Variants in TYR observed in about 807,000 individuals in gnomAD.
TYR encodes the protein tyrosinase.
In TYR, 58 loss-of-function variants were observed where a neutral mutation model predicts 51.5. That is an observed-to-expected ratio of 1.13 (90% CI 0.91 to 1.40). TYR has a LOEUF of 1.40. TYR is among the 40% of genes most tolerant of loss of function. The pLI is 0.00. For synonymous variants in TYR, 263 were observed against 235.2 expected, an observed-to-expected ratio of 1.12 and a Z score of -1.08; for missense variants, 732 against 647.4, an observed-to-expected ratio of 1.13 and a Z score of -1.42.
intron 1 of TYR, among the ~76,000 whole-genome samples, chr11:89,179,252 C>G (rs1460033102): frequency 6.6e-6 from 1 of 152,136 alleles, no homozygotes; most frequent in Non-Finnish European, 1.5e-5. Context: ...TGGTCAGAAT[C>G]TTCAGGAGAG....
At chr11:89,263,259 A>G (rs1944484219) in intron 3 of TYR, among the ~76,000 whole-genome samples, 1 of 151,970 alleles carries the variant, frequency 6.6e-6, no homozygotes, top group Non-Finnish European at 1.5e-5. Context: ...ATAAAATCCC[A>G]TGGTCATCTC....
At chr11:89,279,876 A>G (rs866486600) in intron 3 of TYR, among the ~76,000 whole-genome samples, 9 of 151,786 alleles carry the variant, frequency 5.9e-5, no homozygotes, top group Non-Finnish European at 1.3e-4. Flanking sequence ...GTGGGGAGTT[A>G]TATATAGTAC....
chr11:89,186,274 G>A (rs1943371271), intron 1 of TYR, among the ~76,000 whole-genome samples: 1 of 152,184 alleles, frequency 6.6e-6, no homozygotes, highest in Non-Finnish European at 1.5e-5. Flanking sequence ...ATGCTCAGAA[G>A]CAGACCCTAC....
chr11:89,212,832 C>T (rs1327222729), intron 2 of TYR, among the ~76,000 whole-genome samples: 2 of 152,180 alleles, frequency 1.3e-5, no homozygotes, highest in African/African-American at 4.8e-5. Context: ...GAACCAACCA[C>T]AAAAACCACT....
In TYR at chr11:89,290,865, T is replaced by A. The variant is rs1944846011; in HGVS notation, c.1367-4278T>A. 3.3e-5 allele frequency among the ~76,000 whole-genome samples: 5 copies of A among 152,008 alleles called. No individual in the cohort carries two copies. In the South Asian group the frequency reaches 8.3e-4, roughly 25 times the overall value. The stretch of plus-strand genomic sequence containing the variant: ...ATCTTCTGTGTATGTTCTACATATA[T>A]ATCTTCTATATGCATTATAGAGAGC... On this transcript the variant is annotated intron_variant, in intron 4 of 4. Coordinates refer to ENST00000263321, the MANE Select transcript of TYR (RefSeq NM_000372.5).
At chr11:89,185,264 G>C (rs1390591743) in intron 1 of TYR, among the ~76,000 whole-genome samples, 1 of 152,054 alleles carries the variant, frequency 6.6e-6, no homozygotes, top group Non-Finnish European at 1.5e-5. Context: ...TGTATATGGA[G>C]ATATCTCCCT....
chr11:89,278,178 A>G (rs1368876116), intron 3 of TYR, among the ~76,000 whole-genome samples: 2 of 151,712 alleles, frequency 1.3e-5, no homozygotes, highest in Non-Finnish European at 3.0e-5. Flanking sequence ...TTCTCTAAAC[A>G]GTCATTCTTC....
At chr11:89,264,019 T>C (rs1485925969) in intron 3 of TYR, among the ~76,000 whole-genome samples, 3 of 152,192 alleles carry the variant, frequency 2.0e-5, no homozygotes, top group Middle Eastern at 6.8e-3. Context: ...AATGTTGTAG[T>C]AGATTTTCTT....
At chr11:89,267,660 T>G (rs557945811) in intron 3 of TYR, among the ~76,000 whole-genome samples, 1 of 152,004 alleles carries the variant, frequency 6.6e-6, no homozygotes, top group Non-Finnish European at 1.5e-5. Flanking sequence ...ACAGGCACGA[T>G]TCTCTTTTCT....
intron 2 of TYR, among the ~76,000 whole-genome samples, chr11:89,205,991 T>G (rs998160905): frequency 1.3e-5 from 2 of 152,074 alleles, no homozygotes; most frequent in African/African-American, 4.8e-5. Flanking sequence ...ATGTAATACT[T>G]AGATAAATCA....
intron 3 of TYR, among the ~76,000 whole-genome samples, chr11:89,243,461 G>A (rs886730884): frequency 1.3e-4 from 20 of 152,110 alleles, no homozygotes; most frequent in African/African-American, 3.6e-4. Flanking sequence ...CCAGTCTTTT[G>A]AGTCTCCAAG....
chr11:89,290,895 T>A (rs1944846381), intron 4 of TYR, among the ~76,000 whole-genome samples: 1 of 152,030 alleles, frequency 6.6e-6, no homozygotes, highest in African/African-American at 2.4e-5. Context: ...GAGAGCATCT[T>A]CTATAAAGGA....
chr11:89,272,632 G>C, intron 3 of TYR, among the ~76,000 whole-genome samples: 1 of 151,860 alleles, frequency 6.6e-6, no homozygotes, highest in Non-Finnish European at 1.5e-5. Context: ...CCCATCCTTT[G>C]AAGCTTTAAA....
intron 3 of TYR, among the ~76,000 whole-genome samples, chr11:89,265,046 C>T (rs1453021358): frequency 6.6e-6 from 1 of 151,928 alleles, no homozygotes; most frequent in Non-Finnish European, 1.5e-5. Flanking sequence ...GGTAATCAGG[C>T]CTCTGAGAAG....
intron 1 of TYR, among the ~76,000 whole-genome samples, chr11:89,189,642 C>A (rs1428309084): frequency 2.6e-5 from 4 of 152,194 alleles, no homozygotes; most frequent in African/African-American, 9.6e-5. Context: ...TTGTTACCAA[C>A]CCCAGCCTCA....
chr11:89,249,231 C>T (rs1195341835), intron 3 of TYR, among the ~76,000 whole-genome samples: 2 of 151,920 alleles, frequency 1.3e-5, no homozygotes, highest in African/African-American at 4.8e-5. Context: ...TTAATCACTT[C>T]GTGTTATTTA....
chr11:89,230,997 C>A (rs1263875445), intron 3 of TYR, among the ~76,000 whole-genome samples: 1 of 150,906 alleles, frequency 6.6e-6, no homozygotes, highest in Admixed American at 6.6e-5. Context: ...ATGGGGATAC[C>A]CCTTCTCTAC....
intron 3 of TYR, among the ~76,000 whole-genome samples, chr11:89,275,764 G>C (rs895431589): frequency 2.0e-5 from 3 of 151,762 alleles, no homozygotes; most frequent in African/African-American, 7.3e-5. Flanking sequence ...AGTCAGATTG[G>C]TTATAGCTTG....
intron 3 of TYR, among the ~76,000 whole-genome samples, chr11:89,275,627 T>G (rs546481331): frequency 6.6e-6 from 1 of 151,868 alleles, no homozygotes; most frequent in Non-Finnish European, 1.5e-5. Context: ...AAAGAACAAT[T>G]TATGAACCAG....
Sources: gnomAD v4.1 joint callset for allele counts (sites outside exome capture counted in the v4.1 genomes callset) on GRCh38, gnomAD v4.1.1 for gene constraint, MANE v1.5 for transcripts, NCBI Gene and HGNC (gene_info 2026-07-23, HGNC 2026-07-21) for gene names.